The following EMC3 variants were observed in gnomAD, a reference collection of about 807,000 sequenced individuals.
EMC3 encodes 30 kDa protein.
In EMC3, 13 loss-of-function variants were observed where a neutral mutation model predicts 36.6. The ratio of observed to expected loss-of-function variants is 0.35; its 90% CI spans 0.23 to 0.56. The LOEUF (loss-of-function observed/expected upper bound fraction) is 0.56. EMC3 is among the 20% of genes least tolerant of loss of function. The pLI, the probability that EMC3 is intolerant of heterozygous loss-of-function variation, is 0.84. For synonymous variants in EMC3, 120 were observed against 111.9 expected (o/e 1.07, Z -0.46); for missense variants, 220 against 324.5 (o/e 0.68, Z 2.47).
intron 1 of EMC3, among the ~76,000 whole-genome samples, chr3:9,984,655 T>G (rs1437004068): frequency 3.3e-5 from 5 of 152,178 alleles, no homozygotes. Flanking sequence ...CCTCCCAAAG[T>G]GCTGGGAGTA....
intron 1 of EMC3, among the ~76,000 whole-genome samples, chr3:9,981,279 C>A (rs1247205682): frequency 6.6e-6 from 1 of 152,154 alleles, no homozygotes; most frequent in Non-Finnish European, 1.5e-5. Flanking sequence ...TCTACGATAA[C>A]TCAAGACTTT....
chr3:10,008,870 A>T, intron 1 of EMC3: 1 of 181,714 alleles, frequency 5.5e-6, no homozygotes, highest in South Asian at 8.9e-5. Flanking sequence ...TTGTGCAATC[A>T]GTGAGACCCT....
At chr3:9,965,947 G>A (rs1161497323) in intron 7 of EMC3, among the ~76,000 whole-genome samples, 1 of 151,974 alleles carries the variant, frequency 6.6e-6, no homozygotes, top group African/African-American at 2.4e-5. Flanking sequence ...TCTACTTTTT[G>A]ATTATTATGA....
upstream of EMC3, chr3:9,988,662 G>A (rs193227818): frequency 4.1e-5 from 47 of 1,148,604 alleles, 1 homozygote; most frequent in East Asian, 8.5e-4. Flanking sequence ...AAGGTGTAAC[G>A]TGTTTCGCTG....
chr3:9,978,772 A>G (rs1474169421), intron 1 of EMC3, among the ~76,000 whole-genome samples: 1 of 152,158 alleles, frequency 6.6e-6, no homozygotes, highest in African/African-American at 2.4e-5. Context: ...AGGGGGTTGC[A>G]GTGAGCCGAG....
intron 1 of EMC3, among the ~76,000 whole-genome samples, chr3:9,979,149 G>A (rs572807509): frequency 6.6e-5 from 10 of 152,226 alleles, no homozygotes; most frequent in African/African-American, 9.6e-5. Context: ...TCTACAGGGC[G>A]CAACATGTAA....
chr3:9,986,536 C>T lies in EMC3; in HGVS notation c.126G>A (p.Lys42=), dbSNP rs146540747. ...CAGATACTTGTTCCTGGGTGAGCTT[C>T]TTGTCGCTCTGCAGCAGGATGGACA... ...HYVSILLQSD[K]KLTQEQVSDS... Residue 42 remains lysine (K), a synonymous_variant, in exon 1 of 8, where the codon AAG becomes AAA. Transcript: ENST00000245046. The T allele has an allele frequency of 0.014, 21,959 of 1,614,186 alleles. 185 individuals are homozygous for T. The highest frequency in any genetic ancestry group is 0.017 in the Non-Finnish European group (20,037 of 1,180,028).
At chr3:9,983,303 G>A (rs141682853) in intron 1 of EMC3, among the ~76,000 whole-genome samples, 4 of 151,976 alleles carry the variant, frequency 2.6e-5, no homozygotes, top group African/African-American at 9.7e-5. Context: ...ACATGCCACC[G>A]TGTCTGGTTA....
At position 9,967,749 on chromosome 3, in the gene EMC3, T is replaced by C. The variant is rs1481399752; in HGVS notation, c.657+1970A>G. On this transcript the variant is annotated intron_variant, in intron 7 of 7. Coordinates refer to ENST00000245046, the MANE Select transcript of EMC3 (RefSeq NM_001394674.1). ...TGTCAATTTCTGCAAGAATGGCAAGTAAGATTTTTATAGGGATTGTGTTCA... is the reference window on the plus strand; with the variant it reads ...TGTCAATTTCTGCAAGAATGGCAAGCAAGATTTTTATAGGGATTGTGTTCA... Among the ~76,000 whole-genome samples the C allele has an allele frequency of 1.4e-4, 21 of 152,242 alleles. 1 individual carries two copies. Among genetic ancestry groups the C allele is most frequent in the Admixed American group, 1.4e-3 (21 of 15,284 alleles).
chr3:9,989,371 C>T (rs13099736), upstream of EMC3, among the ~76,000 whole-genome samples: 3 of 151,122 alleles, frequency 2.0e-5, no homozygotes, highest in East Asian at 5.8e-4. Flanking sequence ...GCCAATGTAG[C>T]GAAACCCCGT....
intron 1 of EMC3, among the ~76,000 whole-genome samples, chr3:10,006,109 C>T (rs751567470): frequency 6.6e-6 from 1 of 152,146 alleles, no homozygotes; most frequent in African/African-American, 2.4e-5. Context: ...CCTATTGTCT[C>T]CCCTTTCACC....
intron 1 of EMC3, among the ~76,000 whole-genome samples, chr3:9,993,213 A>G (rs973018144): frequency 1.3e-5 from 2 of 152,264 alleles, no homozygotes; most frequent in African/African-American, 4.8e-5. Flanking sequence ...TAAGTAGCTT[A>G]TAAAAACCTT....
At chr3:9,978,144 CTAAAAAAAA>C (rs2085869142) in intron 1 of EMC3, 1 of 49,068 alleles carries the variant, frequency 2.0e-5, no homozygotes, top group Non-Finnish European at 3.7e-5. Context: ...GACCCTGTCT[CTAAAAAAAA>C]AAAAAAAAAA....
At chr3:9,967,953 C>T (rs1347916604) in intron 7 of EMC3, among the ~76,000 whole-genome samples, 1 of 152,192 alleles carries the variant, frequency 6.6e-6, no homozygotes, top group East Asian at 1.9e-4. Flanking sequence ...GACGAAGTCT[C>T]GCTCTGTCAC....
chr3:10,008,417 C>T, intron 1 of EMC3: 2 of 1,367,674 alleles, frequency 1.5e-6, no homozygotes, highest in East Asian at 4.5e-5. Flanking sequence ...GGCCGGCATG[C>T]AGGCCGGGCA....
chr3:9,965,251 TA>T (rs1310029765), intron 7 of EMC3, among the ~76,000 whole-genome samples: 2 of 151,188 alleles, frequency 1.3e-5, no homozygotes, highest in Non-Finnish European at 1.5e-5. Flanking sequence ...TATACAAATT[TA>T]AAAAAAAATT....
intron 1 of EMC3, chr3:9,981,815 C>A: frequency 2.5e-6 from 1 of 403,608 alleles, no homozygotes; most frequent in South Asian, 1.8e-5. Context: ...ATCAGTGTTT[C>A]TTCCTTTCCA....
chr3:9,969,194 A>G (rs2124900803), intron 7 of EMC3: 1 of 283,346 alleles, frequency 3.5e-6, no homozygotes, highest in South Asian at 6.2e-5. Flanking sequence ...TCCTGAACTC[A>G]GGTGATCTGC....
chr3:9,987,714 A>T (rs545819998), upstream of EMC3: 15 of 403,868 alleles, frequency 3.7e-5, no homozygotes, highest in Middle Eastern at 5.2e-3. Flanking sequence ...ACCTCACAGA[A>T]TTCTGAAATT....
Sources: gnomAD v4.1 joint callset for allele counts (sites outside exome capture counted in the v4.1 genomes callset) on GRCh38, gnomAD v4.1.1 for gene constraint, MANE v1.5 for transcripts, NCBI Gene and HGNC (gene_info 2026-07-23, HGNC 2026-07-21) for gene names.